The following DISP3 variants were observed in gnomAD, a reference collection of about 807,000 sequenced individuals.
The protein encoded by DISP3 is protein dispatched homolog 3.
DISP3 carries 101 observed loss-of-function variants against 135.3 expected under a neutral mutation model. That is an observed-to-expected ratio of 0.75 (90% CI 0.64 to 0.88). The LOEUF (loss-of-function observed/expected upper bound fraction) is 0.88, where lower values mean the gene tolerates loss of function less well. DISP3 is among the 40% of genes least tolerant of loss of function. The pLI is 0.00. For synonymous variants in DISP3, 856 were observed against 817.0 expected (o/e 1.05, Z -0.81); for missense variants, 1,713 against 1,878.6 (o/e 0.91, Z 1.63).
chr1:11,510,694 G>A (rs959450441), intron 3 of DISP3, among the ~76,000 whole-genome samples: 9 of 151,692 alleles, frequency 5.9e-5, no homozygotes, highest in Non-Finnish European at 8.8e-5. Context: ...CTTATAGGCC[G>A]AGCACAGTGG....
chr1:11,518,919 G>A lies in DISP3; in HGVS notation c.1890-436G>A, dbSNP rs542583950. On this transcript the variant is annotated intron_variant, in intron 7 of 20. Coordinates refer to ENST00000294484, the MANE Select transcript of DISP3 (RefSeq NM_020780.2). ...GTGCCCAGTCCCTAGGTTGAGCTGCGTCTCTCATGTGTTCACTCCAGCTGA... is the reference window on the plus strand; with the variant it reads ...GTGCCCAGTCCCTAGGTTGAGCTGCATCTCTCATGTGTTCACTCCAGCTGA... Among the ~76,000 whole-genome samples, 12 of 152,250 alleles carry A rather than the reference G, an allele frequency of 7.9e-5. 1 individual carries two copies. The South Asian group carries it at 8.3e-4, about 11-fold the overall frequency.
intron 15 of DISP3, among the ~76,000 whole-genome samples, chr1:11,530,284 G>A (rs1396186116): frequency 2.0e-5 from 3 of 152,212 alleles, no homozygotes; most frequent in Admixed American, 6.5e-5. Flanking sequence ...GAGCTCGGCC[G>A]TGGCTTTCTC....
intron 1 of DISP3, 65 bp from the exon 2 acceptor site, chr1:11,500,925 C>G: frequency 6.4e-7 from 1 of 1,561,702 alleles, no homozygotes; most frequent in South Asian, 1.2e-5. Flanking sequence ...GCTGGGCGAA[C>G]TGCACCACAG....
At chr1:11,485,463 C>T (rs1175257954) in intron 1 of DISP3, among the ~76,000 whole-genome samples, 1 of 152,176 alleles carries the variant, frequency 6.6e-6, no homozygotes, top group African/African-American at 2.4e-5. Flanking sequence ...GAAGCCACTC[C>T]TGTCGTGAAG....
intron 1 of DISP3, among the ~76,000 whole-genome samples, chr1:11,484,748 T>TG (rs1309982363): frequency 6.6e-6 from 1 of 152,112 alleles, no homozygotes; most frequent in East Asian, 1.9e-4. Context: ...GAGCTTGACC[T>TG]GGGAACAAGG....
chr1:11,525,799 T>C (rs960266004), intron 12 of DISP3, among the ~76,000 whole-genome samples: 5 of 151,994 alleles, frequency 3.3e-5, no homozygotes, highest in African/African-American at 1.2e-4. Context: ...GTCATTTGTG[T>C]TTCTTTTCTT....
chr1:11,488,124 G>A (rs1641088682), intron 1 of DISP3, among the ~76,000 whole-genome samples: 1 of 152,104 alleles, frequency 6.6e-6, no homozygotes, highest in African/African-American at 2.4e-5. Flanking sequence ...CCTGGCCTTT[G>A]GGGCTGGGAG....
intron 1 of DISP3, among the ~76,000 whole-genome samples, chr1:11,485,662 T>C (rs1641018637): frequency 6.6e-6 from 1 of 152,200 alleles, no homozygotes; most frequent in African/African-American, 2.4e-5. Flanking sequence ...TGCAGGGCAA[T>C]CACCCTGATG....
chr1:11,519,540 T>C lies in DISP3; in HGVS notation c.2038+37T>C. 1 of 1,608,444 alleles carries C rather than the reference T, an allele frequency of 6.2e-7. No individual in the cohort carries two copies. The highest frequency in any genetic ancestry group is 8.5e-7 in the Non-Finnish European group (1 of 1,176,998). On this transcript the variant is annotated intron_variant, in intron 8 of 20. Transcript: ENST00000294484. This position sits in a 1 kb window ranked among gnomAD's most constrained non-coding sequence, Gnocchi z 4.3. Reference sequence around the variant, plus strand: ...CACAGGCCTGCCCTACTGACCCCAGTGAGACCCAGCGCTGCCTCTGCCAGG... The same window carrying C: ...CACAGGCCTGCCCTACTGACCCCAGCGAGACCCAGCGCTGCCTCTGCCAGG...
chr1:11,522,694 GGCCC>G (rs1642254418), intron 10 of DISP3, among the ~76,000 whole-genome samples: 2 of 85,654 alleles, frequency 2.3e-5, no homozygotes, highest in African/African-American at 6.9e-5. Flanking sequence ...GCCCAGCCAG[GGCCC>G]AGCCAGGACC....
At chr1:11,479,945 G>A (rs946831703) in intron 1 of DISP3, among the ~76,000 whole-genome samples, 2 of 152,324 alleles carry the variant, frequency 1.3e-5, no homozygotes, top group Non-Finnish European at 2.9e-5. Flanking sequence ...GCCAGCGATG[G>A]ATCCGCGCGC....
In DISP3 at chr1:11,525,086, G is replaced by A; in HGVS notation, c.2477-90G>A. 3.3e-6 allele frequency: 5 copies of A among 1,510,888 alleles called. No individual in the cohort carries two copies. The South Asian group carries it at 5.9e-5, about 18-fold the overall frequency. The allele number at this position is 1,510,888 out of a possible 1,614,324, so 93.6% of individuals were successfully genotyped here. ...CCCAAGGCCAGGACTGAGCTCGTTAGTCGACAGAGCTGAGGGTGGGCTGCT... is the reference window on the plus strand; with the variant it reads ...CCCAAGGCCAGGACTGAGCTCGTTAATCGACAGAGCTGAGGGTGGGCTGCT... On this transcript the variant is annotated intron_variant, in intron 11 of 20. Transcript: ENST00000294484.
In DISP3 at chr1:11,520,785, C is replaced by G; in HGVS notation, c.2299C>G (p.Gln767Glu). The stretch of plus-strand genomic sequence containing the variant: ...ACTCTTCCGGCCTGATACCAACATC[C>G]AGGTGCTGCTGGACCTCAAGTACAA... ...PLLFRPDTNI[Q>E]VLLDLKYNLS... The change falls in exon 10 of 21, where the codon CAG (glutamine) becomes GAG (glutamate). Residue 767 changes from glutamine (Q) to glutamate (E), a missense_variant. This residue lies in a region of DISP3 where 1,142 missense variants were observed against 1,384.6 expected (regional missense o/e 0.82). Coordinates refer to ENST00000294484, the MANE Select transcript of DISP3 (RefSeq NM_020780.2). The surrounding 1 kb of genome is among the most constrained non-coding windows in gnomAD (Gnocchi z 4.8). 1 of 1,613,554 alleles carries G rather than the reference C, an allele frequency of 6.2e-7. No homozygotes were observed. The highest frequency in any genetic ancestry group is 8.5e-7 in the Non-Finnish European group (1 of 1,179,988).
chr1:11,504,509 C>G (rs915782086), intron 3 of DISP3, among the ~76,000 whole-genome samples: 1 of 152,192 alleles, frequency 6.6e-6, no homozygotes, highest in Non-Finnish European at 1.5e-5. Flanking sequence ...TATGCTTTGT[C>G]CCCCGCAAAA....
At position 11,514,408 on chromosome 1, in the gene DISP3, T is replaced by TA. The variant is rs1641942477; in HGVS notation, c.1335_1336insA (p.Gly446ArgfsTer7). On this transcript the variant is annotated frameshift_variant, in exon 4 of 21. Transcript: ENST00000294484. LOFTEE classifies it high-confidence loss of function. The stretch of plus-strand genomic sequence containing the variant: ...CCCCCAGCAAAGTCCAGGTTCTCTA[T>TA]GGGGGGACAGACCTGTTTGACTATG... 1 of 1,612,700 alleles carries TA rather than the reference T, an allele frequency of 6.2e-7. No homozygotes were observed. The highest frequency in any genetic ancestry group is 1.1e-5 in the South Asian group (1 of 91,054).
chr1:11,520,019 C>A lies in DISP3; in HGVS notation c.2200+139C>A. 1 of 799,700 alleles carries A rather than the reference C, an allele frequency of 1.3e-6. No individual in the cohort carries two copies. Among genetic ancestry groups the A allele is most frequent in the Non-Finnish European group, 1.9e-6 (1 of 517,880 alleles). The allele number at this position is 799,700 out of a possible 1,614,324, so 49.5% of individuals were successfully genotyped here. A position where few individuals can be genotyped will look rare whatever the true frequency, so the allele number is the denominator to read the frequency against. Reference sequence around the variant, plus strand: ...GGTCTCTCCCTCTCTGACCCCCCCTCTTTCCTGTGCAGAATGAAGCCGGTC... The same window carrying A: ...GGTCTCTCCCTCTCTGACCCCCCCTATTTCCTGTGCAGAATGAAGCCGGTC... On this transcript the variant is annotated intron_variant, in intron 9 of 20. Transcript: ENST00000294484. The surrounding 1 kb of genome is among the most constrained non-coding windows in gnomAD (Gnocchi z 4.8).
At chr1:11,487,345 G>A (rs1242305775) in intron 1 of DISP3, among the ~76,000 whole-genome samples, 3 of 152,178 alleles carry the variant, frequency 2.0e-5, no homozygotes, top group Non-Finnish European at 4.4e-5. Flanking sequence ...CATGGAGAAC[G>A]GGCAGCTACA....
chr1:11,497,087 C>G (rs1343894776), intron 1 of DISP3, among the ~76,000 whole-genome samples: 2 of 152,232 alleles, frequency 1.3e-5, no homozygotes, highest in African/African-American at 4.8e-5. Context: ...TTGTCCATTT[C>G]ACACTCTTCC....
rs1641500524 is a variant in DISP3, at chr1:11,501,150, C to G, written c.158C>G (p.Ser53Cys). The change falls in exon 2 of 21, where the codon TCC becomes TGC. Residue 53 changes from serine (S) to cysteine (C), a missense_variant. Physicochemically the swap from Ser to Cys is moderately radical, Grantham distance 112. Coordinates refer to ENST00000294484, the MANE Select transcript of DISP3 (RefSeq NM_020780.2). This position sits in a 1 kb window ranked among gnomAD's most constrained non-coding sequence, Gnocchi z 4.9. Reference sequence around the variant, plus strand: ...TGCTGGCGGCACTGGCCCCTGGCTTCCCGACCCCCAGCTTCGGGCTTCTGG... The same window carrying G: ...TGCTGGCGGCACTGGCCCCTGGCTTGCCGACCCCCAGCTTCGGGCTTCTGG... ...QCCWRHWPLA[S>C]RPPASGFWST... 1 of 1,613,918 alleles carries G rather than the reference C, an allele frequency of 6.2e-7. No homozygotes were observed. Among genetic ancestry groups the G allele is most frequent in the South Asian group, 1.1e-5 (1 of 91,060 alleles).
Sources: allele counts gnomAD v4.1 joint callset (sites outside exome capture counted in the v4.1 genomes callset), GRCh38; gene constraint gnomAD v4.1.1; regional missense constraint gnomAD v4.1.1; non-coding constraint Gnocchi (gnomAD v3.1); transcripts MANE v1.5; gene names NCBI Gene and HGNC (gene_info 2026-07-23, HGNC 2026-07-21).